The following TUBA3E variants were observed in gnomAD, a reference collection of about 807,000 sequenced individuals.
The protein encoded by TUBA3E is tubulin alpha 3e, also known as tubulin alpha-3E chain.
Under a neutral mutation model 36.7 loss-of-function variants are expected in TUBA3E, and 21 were observed. That is an observed-to-expected ratio of 0.57 (90% CI 0.41 to 0.83). TUBA3E has a LOEUF of 0.83. Ranked by LOEUF, TUBA3E falls within the 40% of genes least tolerant of loss-of-function variation. The probability of loss-of-function intolerance (pLI) is 0.00; values close to 1 mark genes in which losing one functional copy is unlikely to be tolerated. For synonymous variants in TUBA3E, 177 were observed against 241.9 expected (o/e 0.73, Z 2.49); for missense variants, 469 against 604.2 (o/e 0.78, Z 2.35).
At position 130,193,990 on chromosome 2, in the gene TUBA3E, C is replaced by T; in HGVS notation, c.852G>A (p.Glu284=). The change falls in exon 4 of 5, where the codon GAG becomes GAA. Residue 284 remains glutamate, a synonymous_variant. Coordinates refer to ENST00000312988, the MANE Select transcript of TUBA3E (RefSeq NM_207312.3). ...TGGTGATCTCGGCCACAGACAGCTG[C>T]TCGTGGTAGGCCTTCTCAGCTGAGA... ...PVISAEKAYH[E]QLSVAEITNA... 2 of 1,614,154 alleles carry T rather than the reference C, an allele frequency of 1.2e-6. No individual in the cohort carries two copies. The highest frequency in any genetic ancestry group is 2.2e-5 in the East Asian group (1 of 44,876).
At chr2:130,192,155 C>T (rs753081145) in intron 4 of TUBA3E, 28 bp from the exon 5 acceptor site, 27 of 1,581,296 alleles carry the variant, frequency 1.7e-5, no homozygotes, top group East Asian at 6.7e-5. Context: ...GAAAGCAGTC[C>T]GTGAAGCTTA....
rs777900508 is a variant in TUBA3E, at chr2:130,194,464, C to T, written c.378G>A (p.Ala126=). 4 of 1,545,704 alleles carry T rather than the reference C, an allele frequency of 2.6e-6. No individual in the cohort carries two copies. The highest frequency in any genetic ancestry group is 1.9e-4 in the Middle Eastern group (1 of 5,226). Reference sequence around the variant, plus strand: ...AGCCCTGCAGTCCTGTGCACAGATCCGCCTGAGAGAAACCAGACAACGTGA... The same window carrying T: ...AGCCCTGCAGTCCTGTGCACAGATCTGCCTGAGAGAAACCAGACAACGTGA... ...DLVLDRIRKL[A]DLCTGLQGFL... The change falls in exon 4 of 5, where the codon GCG becomes GCA. Residue 126 remains alanine, a splice_region_variant and synonymous_variant. Coordinates refer to ENST00000312988, the MANE Select transcript of TUBA3E (RefSeq NM_207312.3).
intron 3 of TUBA3E, 49 bp downstream of exon 3, chr2:130,195,030 C>T (rs749543387): frequency 6.2e-7 from 1 of 1,603,112 alleles, no homozygotes; most frequent in Non-Finnish European, 8.5e-7. Context: ...ATTCCAAGAA[C>T]TACCCCTCCC....
At chr2:130,192,283 G>T (rs1290700592) in intron 4 of TUBA3E, among the ~76,000 whole-genome samples, 156 bp from the exon 5 acceptor site, 1 of 152,206 alleles carries the variant, frequency 6.6e-6, no homozygotes, top group Non-Finnish European at 1.5e-5. Flanking sequence ...ACCAGGCAGG[G>T]TGATAGTTCC....
chr2:130,192,338 G>A (rs558255403), intron 4 of TUBA3E, among the ~76,000 whole-genome samples: 41 of 152,306 alleles, frequency 2.7e-4, no homozygotes, highest in African/African-American at 9.6e-4. Context: ...CCACCCTGGT[G>A]GGATCCCAAG....
rs1427215094 is a variant in TUBA3E, at chr2:130,191,979, C to T, written c.1205G>A (p.Trp402Ter). Reference protein sequence around the residue: ...VHKFDLMYAKWAFVHWYVGEG... With the variant: ...VHKFDLMYAK ...GCCCACGTACCAGTGCACAAAGGCC[C>T]ACTTGGCATACATGAGATCGAACTT... Residue 402 changes from tryptophan to a stop codon, truncating the protein, a stop_gained, in exon 5 of 5, where the codon TGG becomes TAG. Coordinates refer to ENST00000312988, the MANE Select transcript of TUBA3E (RefSeq NM_207312.3). LOFTEE classifies it high-confidence loss of function. 2.5e-6 allele frequency: 4 copies of T among 1,613,866 alleles called. No homozygotes were observed. The highest frequency in any genetic ancestry group is 2.2e-5 in the East Asian group (1 of 44,850).
chr2:130,192,905 C>G (rs75918414), intron 4 of TUBA3E, among the ~76,000 whole-genome samples: 14 of 152,064 alleles, frequency 9.2e-5, no homozygotes, highest in African/African-American at 3.4e-4. Context: ...ACCAGCCTGG[C>G]CAACATGGCA....
In TUBA3E at chr2:130,194,293, C is replaced by T; in HGVS notation, c.549G>A (p.Glu183=). The change falls in exon 4 of 5, where the codon GAG becomes GAA. Residue 183 remains glutamate (E), a synonymous_variant. Transcript: ENST00000312988. ...GGGTGGTTAGGATGGAGTTGTAGGG[C>T]TCCACCACGGCTGTGGAGACCTGGG... The part of the protein sequence containing the change: ...PAPQVSTAVV[E]PYNSILTTHT... 1 of 1,608,898 alleles carries T rather than the reference C, an allele frequency of 6.2e-7. No individual in the cohort carries two copies. Among genetic ancestry groups the T allele is most frequent in the Non-Finnish European group, 8.5e-7 (1 of 1,178,084 alleles).
At position 130,193,821 on chromosome 2, in the gene TUBA3E, T is replaced by C. The variant is rs758084554; in HGVS notation, c.1021A>G (p.Ile341Val). 1 of 1,613,220 alleles carries C rather than the reference T, an allele frequency of 6.2e-7. No individual in the cohort carries two copies. The highest frequency in any genetic ancestry group is 1.3e-5 in the African/African-American group (1 of 75,034). Residue 341 changes from isoleucine to valine, a missense_variant, in exon 4 of 5, where the codon ATC becomes GTC. Around this residue, in one of 3 missense-constraint regions of TUBA3E, gnomAD observed 296 missense variants for 346.9 expected, o/e 0.85. Coordinates refer to ENST00000312988, the MANE Select transcript of TUBA3E (RefSeq NM_207312.3). ...GTCGGGCACCAATCCACAAACTGGATAGTGCGCTTGGTCTTGATGGTGGCG... is the reference window on the plus strand; with the variant it reads ...GTCGGGCACCAATCCACAAACTGGACAGTGCGCTTGGTCTTGATGGTGGCG... ...AIATIKTKRT[I>V]QFVDWCPTGF...
intron 4 of TUBA3E, 62 bp from the exon 5 acceptor site, chr2:130,192,189 A>C: frequency 6.5e-7 from 1 of 1,545,178 alleles, no homozygotes; most frequent in Non-Finnish European, 8.7e-7. Context: ...AATGGTAGCT[A>C]CTTCTCCTCA....
intron 4 of TUBA3E, among the ~76,000 whole-genome samples, chr2:130,193,512 G>C (rs1271779534): frequency 6.6e-6 from 1 of 151,000 alleles, no homozygotes; most frequent in Non-Finnish European, 1.5e-5. Flanking sequence ...GGGAGGGTGA[G>C]GCCAGAGAAT....
intron 4 of TUBA3E, among the ~76,000 whole-genome samples, chr2:130,193,074 C>T (rs1460318863): frequency 7.0e-6 from 1 of 142,616 alleles, no homozygotes; most frequent in Non-Finnish European, 1.5e-5. Flanking sequence ...ACCTGGACGA[C>T]AGAGCAAGAT....
chr2:130,193,574 A>C (rs1383970358), intron 4 of TUBA3E, among the ~76,000 whole-genome samples: 1 of 146,868 alleles, frequency 6.8e-6, no homozygotes, highest in Admixed American at 7.2e-5. Context: ...GCACCACTGC[A>C]CTCCAGCCTG....
Position 130,191,809 on chromosome 2 carries a change from G to A in TUBA3E, c.*22C>T, listed in dbSNP as rs1489574294. On this transcript the variant is annotated 3_prime_UTR_variant, in exon 5 of 5. Transcript: ENST00000312988. ...AGCAGCCATCCTAGGGGTGGCAGGGGAGAACCCACCACACCCTCCCCTCAG... is the reference window on the plus strand; with the variant it reads ...AGCAGCCATCCTAGGGGTGGCAGGGAAGAACCCACCACACCCTCCCCTCAG... 1 of 1,587,252 alleles carries A rather than the reference G, an allele frequency of 6.3e-7. No homozygotes were observed. The highest frequency in any genetic ancestry group is 1.3e-5 in the African/African-American group (1 of 74,214).
At position 130,198,338 on chromosome 2, in the gene TUBA3E, G is replaced by A. The variant is rs377102352; in HGVS notation, c.3+20C>T. 7.1e-5 allele frequency: 96 copies of A among 1,353,298 alleles called. 25 individuals are homozygous for A. The South Asian group carries it at 8.4e-4, about 12-fold the overall frequency. The allele number at this position is 1,353,298 out of a possible 1,614,324, so 83.8% of individuals were successfully genotyped here. ...TCGTCTGCCTGGGCATCTGCGGGGC[G>A]GGAGTGACCCGGGTCTTACCATGGC... On this transcript the variant is annotated intron_variant, in intron 1 of 4. Coordinates refer to ENST00000312988, the MANE Select transcript of TUBA3E (RefSeq NM_207312.3).
Position 130,196,910 on chromosome 2 carries a change from C to T in TUBA3E, c.4-539G>A, listed in dbSNP as rs1055996732. Among the ~76,000 whole-genome samples, 79 of 152,184 alleles carry T rather than the reference C, an allele frequency of 5.2e-4. 2 individuals carry two copies. Among genetic ancestry groups the T allele is most frequent in the Admixed American group, 1.3e-4 (2 of 15,268 alleles). On this transcript the variant is annotated intron_variant, in intron 1 of 4. Transcript: ENST00000312988. Reference sequence around the variant, plus strand: ...GAACAGCATCAGAGGCCTTCCTCGCCCTCTGGCTTCTTGCTGGTTTGGTCA... The same window carrying T: ...GAACAGCATCAGAGGCCTTCCTCGCTCTCTGGCTTCTTGCTGGTTTGGTCA...
rs374441016 is a variant in TUBA3E, at chr2:130,191,768, T to C, written c.*63A>G. ...TCTTGGTTTTATACAGAATCTTTAATTGCAAACAACTTGAAAGCAGCCATC... is the reference window on the plus strand; with the variant it reads ...TCTTGGTTTTATACAGAATCTTTAACTGCAAACAACTTGAAAGCAGCCATC... On this transcript the variant is annotated 3_prime_UTR_variant, in exon 5 of 5. Coordinates refer to ENST00000312988, the MANE Select transcript of TUBA3E (RefSeq NM_207312.3). 2 of 1,564,366 alleles carry C rather than the reference T, an allele frequency of 1.3e-6. No individual in the cohort carries two copies. The highest frequency in any genetic ancestry group is 1.7e-6 in the Non-Finnish European group (2 of 1,155,290).
chr2:130,194,376 G>C lies in TUBA3E; in HGVS notation c.466C>G (p.Arg156Gly). 1 of 1,607,498 alleles carries C rather than the reference G, an allele frequency of 6.2e-7. No individual in the cohort carries two copies. Among genetic ancestry groups the C allele is most frequent in the Non-Finnish European group, 8.5e-7 (1 of 1,177,166 alleles). ...GSGFASLLME[R>G]LSVDYSKKSK... ...TTCTTGCTGTAATCCACTGAGAGCC[G>C]CTCCATGAGCAGAGATGCGAACCCA... Residue 156 changes from arginine to glycine, a missense_variant, in exon 4 of 5, where the codon CGG becomes GGG. Arg to Gly is a moderately radical substitution (Grantham distance 125, BLOSUM62 -2). Coordinates refer to ENST00000312988, the MANE Select transcript of TUBA3E (RefSeq NM_207312.3).
rs1385751671 is a variant in TUBA3E, at chr2:130,197,509, GA to G, written c.3+848del. 1.2e-4 allele frequency among the ~76,000 whole-genome samples: 11 copies of G among 95,336 alleles called. 1 individual carries two copies. Among genetic ancestry groups the G allele is most frequent in the African/African-American group, 4.8e-4 (8 of 16,724 alleles). 62.5% of individuals were successfully genotyped at this position (95,336 alleles called of 152,430 possible). A position where few individuals can be genotyped will look rare whatever the true frequency, so the allele number is the denominator to read the frequency against. The stretch of plus-strand genomic sequence containing the variant: ...TGCTGTCTCAAAAAAAAAAAAAAAA[GA>G]AAAGAAAAGAAAAAAGAAAAAGAAA... On this transcript the variant is annotated intron_variant, in intron 1 of 4. Coordinates refer to ENST00000312988, the MANE Select transcript of TUBA3E (RefSeq NM_207312.3).
Sources: allele counts gnomAD v4.1 joint callset (sites outside exome capture counted in the v4.1 genomes callset), GRCh38; gene constraint gnomAD v4.1.1; regional missense constraint gnomAD v4.1.1; transcripts MANE v1.5; gene names NCBI Gene and HGNC (gene_info 2026-07-23, HGNC 2026-07-21).